Variants in PADI6 observed in about 807,000 individuals in gnomAD.
The protein encoded by PADI6 is peptidyl arginine deiminase 6.
PADI6 carries 66 observed loss-of-function variants against 78.2 expected under a neutral mutation model. The observed-to-expected ratio is 0.84, with a 90% CI of 0.69 to 1.04. PADI6 has a LOEUF of 1.04. Among genes scored for constraint, PADI6 ranks in the 50% least tolerant of loss-of-function variants. PADI6 has a pLI of 0.00. For missense variants in PADI6, 854 were observed against 866.1 expected (o/e 0.99, Z 0.18); for synonymous variants, 397 against 346.9 (o/e 1.14, Z -1.60).
At chr1:17,389,353 GGA>G (rs2075159392) in intron 8 of PADI6, among the ~76,000 whole-genome samples, 1 of 151,946 alleles carries the variant, frequency 6.6e-6, no homozygotes, top group Non-Finnish European at 1.5e-5. Context: ...TCTGTCACCT[GGA>G]TGCCTGCAGG....
intron 15 of PADI6, among the ~76,000 whole-genome samples, chr1:17,400,114 A>G (rs2075286555): frequency 1.3e-5 from 2 of 152,034 alleles, no homozygotes; most frequent in Admixed American, 1.3e-4. Context: ...AGGCTGAGGC[A>G]GGACAATTTC....
intron 15 of PADI6, among the ~76,000 whole-genome samples, chr1:17,399,065 C>T (rs557914287): frequency 3.3e-5 from 5 of 152,298 alleles, no homozygotes; most frequent in South Asian, 2.1e-4. Flanking sequence ...CAGGCAGTTA[C>T]TATGGGCCAG....
At chr1:17,376,508 T>C (rs2075018495) in intron 3 of PADI6, among the ~76,000 whole-genome samples, 1 of 150,310 alleles carries the variant, frequency 6.7e-6, no homozygotes, top group Non-Finnish European at 1.5e-5. Context: ...TTATTTTTAG[T>C]GGGCTAATTT....
chr1:17,387,894 G>A (rs567056949), intron 6 of PADI6, among the ~76,000 whole-genome samples: 3 of 152,324 alleles, frequency 2.0e-5, no homozygotes, highest in South Asian at 2.1e-4. Context: ...AGAACACTTG[G>A]TTTCTTCAGA....
intron 11 of PADI6, 76 bp from the exon 12 acceptor site, chr1:17,394,875 A>C: frequency 6.8e-7 from 1 of 1,469,720 alleles, no homozygotes; most frequent in South Asian, 1.4e-5. Flanking sequence ...CCCTGGAGGC[A>C]GCATGACACC....
intron 6 of PADI6, among the ~76,000 whole-genome samples, chr1:17,384,266 A>G (rs1307897470): frequency 2.0e-5 from 3 of 152,126 alleles, no homozygotes; most frequent in African/African-American, 7.2e-5. Context: ...AGAGTCTGAA[A>G]AGTTTACAGA....
In PADI6 at chr1:17,378,955, TGG is replaced by T. The variant is rs200989865; in HGVS notation, c.368-956_368-955del. Among the ~76,000 whole-genome samples the T allele has an allele frequency of 3.6e-3, 493 of 136,826 alleles. 4 individuals carry two copies. The highest frequency in any genetic ancestry group is 0.014 in the African/African-American group (453 of 33,232). 89.8% of individuals were successfully genotyped at this position (136,826 alleles called of 152,430 possible). A position where few individuals can be genotyped will look rare whatever the true frequency, so the allele number is the denominator to read the frequency against. ...GAATTGTCATGTATTGAATTTTTTT[TGG>T]GGGGGGGGACAGAATCTTGCTCTGT... is the stretch of plus-strand genomic sequence containing the variant. On this transcript the variant is annotated intron_variant, in intron 3 of 15. Transcript: ENST00000619609.
rs2075214921 is a variant in PADI6, at chr1:17,393,637, C to T, written c.1075-338C>T. On this transcript the variant is annotated intron_variant, in intron 9 of 15. Transcript: ENST00000619609. ...TACAGGCATGAGCCACCATGCCTGGCTAACTTTTTGGTTTTGTTTTAAGTA... is the reference window on the plus strand; with the variant it reads ...TACAGGCATGAGCCACCATGCCTGGTTAACTTTTTGGTTTTGTTTTAAGTA... Among the ~76,000 whole-genome samples the T allele has an allele frequency of 2.0e-5, 3 of 152,156 alleles. No homozygotes were observed. The South Asian group carries it at 6.2e-4, about 31-fold the overall frequency.
In PADI6 at chr1:17,384,176, CACAG is replaced by C. The variant is rs1351979661; in HGVS notation, c.679+2085_679+2088del. Among the ~76,000 whole-genome samples, 30 of 151,894 alleles carry C rather than the reference CACAG, an allele frequency of 2.0e-4. No homozygotes were observed. The South Asian group carries it at 5.2e-3, about 26-fold the overall frequency. ...AAACTTAAAAATCAGGGTAGGGCAA[CACAG>C]CATGTTATGTTTTAACAAGCCTTCC... On this transcript the variant is annotated intron_variant, in intron 6 of 15. Coordinates refer to ENST00000619609, the MANE Select transcript of PADI6 (RefSeq NM_207421.4).
intron 8 of PADI6, among the ~76,000 whole-genome samples, chr1:17,391,054 CT>C (rs2075177810): frequency 6.6e-6 from 1 of 152,156 alleles, no homozygotes; most frequent in Non-Finnish European, 1.5e-5. Context: ...AGCATAGATA[CT>C]ATGAATGTGC....
At chr1:17,399,991 C>T (rs1002014629) in intron 15 of PADI6, among the ~76,000 whole-genome samples, 4 of 151,894 alleles carry the variant, frequency 2.6e-5, no homozygotes, top group Non-Finnish European at 2.9e-5. Flanking sequence ...GCCAAGATTG[C>T]ACCACTGGAC....
intron 14 of PADI6, 77 bp downstream of exon 14, chr1:17,397,218 C>T (rs1313373342): frequency 1.4e-5 from 22 of 1,519,562 alleles, no homozygotes; most frequent in East Asian, 2.3e-5. Context: ...TCCACCCACC[C>T]CTCCTGAGGG....
At chr1:17,389,859 C>T (rs1175337879) in intron 8 of PADI6, among the ~76,000 whole-genome samples, 3 of 151,770 alleles carry the variant, frequency 2.0e-5, no homozygotes, top group South Asian at 2.1e-4. Context: ...ACCCCCGCCC[C>T]ACTCGCTCCA....
At chr1:17,385,926 CTG>C (rs1327978071) in intron 6 of PADI6, among the ~76,000 whole-genome samples, 1 of 152,206 alleles carries the variant, frequency 6.6e-6, no homozygotes. Context: ...AGTATTTGCT[CTG>C]TGCCCTGAGG....
chr1:17,377,956 C>A (rs541545772), intron 3 of PADI6, among the ~76,000 whole-genome samples: 102 of 152,144 alleles, frequency 6.7e-4, no homozygotes, highest in Non-Finnish European at 1.2e-3. Context: ...CACGAGTAAC[C>A]CTGCACTGCC....
At chr1:17,390,793 A>T (rs976939598) in intron 8 of PADI6, among the ~76,000 whole-genome samples, 1 of 152,108 alleles carries the variant, frequency 6.6e-6, no homozygotes, top group Non-Finnish European at 1.5e-5. Flanking sequence ...AAGCAGAGAG[A>T]TGTGGTATCT....
intron 9 of PADI6, 65 bp from the exon 10 acceptor site, chr1:17,393,910 T>C: frequency 1.4e-6 from 2 of 1,463,778 alleles, no homozygotes; most frequent in Non-Finnish European, 9.6e-7. Flanking sequence ...TACCGTACCT[T>C]TTCCGTAAAT....
rs770970009 is a variant in PADI6, at chr1:17,394,338, C to A, written c.1221C>A (p.Asp407Glu). ...GCTACATGATCCAGGACACTGAGGA[C>A]CATAAAGTGGCCAGCATGGATTCCA... The part of the protein sequence containing the change: ...GIGYMIQDTE[D>E]HKVASMDSIG... The change falls in exon 11 of 16, where the codon GAC becomes GAA. Residue 407 changes from aspartate to glutamate, a missense_variant. Transcript: ENST00000619609. 6.2e-7 allele frequency: 1 copy of A among 1,613,920 alleles called. No individual in the cohort carries two copies. The highest frequency in any genetic ancestry group is 1.7e-5 in the Admixed American group (1 of 60,004).
chr1:17,387,563 C>T (rs774432882), intron 6 of PADI6, among the ~76,000 whole-genome samples: 6 of 152,046 alleles, frequency 3.9e-5, no homozygotes, highest in South Asian at 2.1e-4. Context: ...TCCTGTCTAA[C>T]GAGACGGTGA....
Sources: gnomAD v4.1 joint callset for allele counts (sites outside exome capture counted in the v4.1 genomes callset) on GRCh38, gnomAD v4.1.1 for gene constraint, MANE v1.5 for transcripts, NCBI Gene and HGNC (gene_info 2026-07-23, HGNC 2026-07-21) for gene names.